HS6ST3: variants seen among roughly 807,000 people sequenced by gnomAD.
HS6ST3 encodes heparan-sulfate 6-O-sulfotransferase 3.
A neutral mutation model predicts 36.7 loss-of-function variants in HS6ST3; 12 were observed. That is an observed-to-expected ratio of 0.33 (90% confidence interval 0.21 to 0.53). The LOEUF (loss-of-function observed/expected upper bound fraction) is 0.53. HS6ST3 is among the 20% of genes least tolerant of loss of function. The pLI is 0.95. For synonymous variants in HS6ST3, 240 were observed against 257.5 expected (o/e 0.93, Z 0.65); for missense variants, 584 against 640.9 (o/e 0.91, Z 0.96).
chr13:96,160,603 C>G (rs7993804), intron 1 of HS6ST3, among the ~76,000 whole-genome samples: 35 of 151,932 alleles, frequency 2.3e-4, no homozygotes, highest in Admixed American at 2.3e-3. Context: ...CTCGTGACCC[C>G]GAGTTCATTT....
At chr13:96,416,016 A>G (rs1269227896) in intron 1 of HS6ST3, among the ~76,000 whole-genome samples, 3 of 152,164 alleles carry the variant, frequency 2.0e-5, no homozygotes, top group Admixed American at 2.0e-4. Context: ...GGAAAAGGAG[A>G]AGCAGTCTAT....
At chr13:96,520,314 C>A (rs1231772030) in intron 1 of HS6ST3, among the ~76,000 whole-genome samples, 5 of 131,594 alleles carry the variant, frequency 3.8e-5, no homozygotes, top group African/African-American at 1.3e-4. Flanking sequence ...GTTCTTCCTG[C>A]CCAGGACTGC....
intron 1 of HS6ST3, among the ~76,000 whole-genome samples, chr13:96,642,412 G>A (rs1179060201): frequency 3.3e-5 from 5 of 151,940 alleles, no homozygotes; most frequent in Middle Eastern, 3.4e-3. Context: ...TATTGGTTGT[G>A]TAGATTTATA....
At chr13:96,351,334 T>TG (rs1460218792) in intron 1 of HS6ST3, among the ~76,000 whole-genome samples, 1 of 41,762 alleles carries the variant, frequency 2.4e-5, no homozygotes, top group African/African-American at 1.6e-4. Context: ...TTTTTTTTTT[T>TG]TAAAAAAAAC....
rs138957761 is a variant in HS6ST3 at position 96,562,821 on chromosome 13, A to G, written c.708-269669A>G. 6.6e-4 allele frequency among the ~76,000 whole-genome samples: 101 copies of G among 152,212 alleles called. No individual in the cohort carries two copies. In the East Asian group the frequency reaches 7.2e-3, roughly 11 times the overall value. On this transcript the variant is annotated intron_variant, in intron 1 of 1. Coordinates refer to ENST00000376705, the MANE Select transcript of HS6ST3 (RefSeq NM_153456.4). ...AGAAGTCAGGATCTAGGAGCCCTCC[A>G]TGGAACAGTCAGGGATGTTAGAGCT...
At chr13:96,105,356 A>C (rs1337273453) in intron 1 of HS6ST3, among the ~76,000 whole-genome samples, 3 of 152,180 alleles carry the variant, frequency 2.0e-5, no homozygotes, top group African/African-American at 7.2e-5. Context: ...CTTATAATTT[A>C]AGTAATATTA....
Position 96,090,638 on chromosome 13 carries a change from C to T in HS6ST3, c.-225C>T, listed in dbSNP as rs1445591107. Among the ~76,000 whole-genome samples the T allele has an allele frequency of 1.4e-5, 2 of 146,364 alleles. No individual in the cohort carries two copies. The highest frequency in any genetic ancestry group is 3.0e-5 in the Non-Finnish European group (2 of 65,880). On this transcript the variant is annotated 5_prime_UTR_variant, in exon 1 of 2. Coordinates refer to ENST00000376705, the MANE Select transcript of HS6ST3 (RefSeq NM_153456.4). Reference sequence around the variant, plus strand: ...AGGGCGCCCCACGCCGCAGCCGCAGCCGAGCGCGCCGGCGCCCGCCTCCCC... The same window carrying T: ...AGGGCGCCCCACGCCGCAGCCGCAGTCGAGCGCGCCGGCGCCCGCCTCCCC...
chr13:96,537,823 G>A (rs2056161822), intron 1 of HS6ST3, among the ~76,000 whole-genome samples: 2 of 152,192 alleles, frequency 1.3e-5, no homozygotes, highest in East Asian at 3.9e-4. Flanking sequence ...TGTCAGAAGT[G>A]TCTGTTTTAT....
intron 1 of HS6ST3, among the ~76,000 whole-genome samples, chr13:96,339,468 G>C (rs2055119248): frequency 6.6e-6 from 1 of 152,206 alleles, no homozygotes; most frequent in Admixed American, 6.5e-5. Context: ...CCTGAGGGGA[G>C]AAGGTGCTTG....
At chr13:96,306,221 A>G (rs1249560020) in intron 1 of HS6ST3, among the ~76,000 whole-genome samples, 1 of 150,460 alleles carries the variant, frequency 6.6e-6, no homozygotes, top group East Asian at 2.0e-4. Context: ...CTCCTCCCTC[A>G]GCCTCCCAAG....
intron 1 of HS6ST3, among the ~76,000 whole-genome samples, chr13:96,650,662 AG>A (rs1440768834): frequency 6.6e-6 from 1 of 152,082 alleles, no homozygotes; most frequent in African/African-American, 2.4e-5. Context: ...AACAGGCAGC[AG>A]GGTGGAAGAC....
intron 1 of HS6ST3, among the ~76,000 whole-genome samples, chr13:96,751,010 G>T (rs954773847): frequency 6.6e-6 from 1 of 151,898 alleles, no homozygotes; most frequent in Non-Finnish European, 1.5e-5. Flanking sequence ...CTCTTTTCAG[G>T]CATCTATCTA....
At chr13:96,630,349 C>T (rs1215204080) in intron 1 of HS6ST3, among the ~76,000 whole-genome samples, 1 of 152,110 alleles carries the variant, frequency 6.6e-6, no homozygotes, top group Non-Finnish European at 1.5e-5. Context: ...GGATTTCCCA[C>T]GACCACTGGA....
In HS6ST3 at chr13:96,169,412, C is replaced by T. The variant is rs557593577; in HGVS notation, c.707+77843C>T. ...TTGATAGAGTTACGAGGCATAGAAT[C>T]CCAGAGTCGTTTGGAATCACAGAGC... is the stretch of plus-strand genomic sequence containing the variant. On this transcript the variant is annotated intron_variant, in intron 1 of 1. Coordinates refer to ENST00000376705, the MANE Select transcript of HS6ST3 (RefSeq NM_153456.4). The T allele has an allele frequency of 5.9e-5, 9 of 152,558 alleles. No individual in the cohort carries two copies. In the East Asian group the frequency reaches 1.7e-3, roughly 29 times the overall value. 9.5% of individuals were successfully genotyped at this position (152,558 alleles called of 1,614,324 possible).
At chr13:96,666,726 G>A (rs2056665438) in intron 1 of HS6ST3, among the ~76,000 whole-genome samples, 1 of 151,958 alleles carries the variant, frequency 6.6e-6, no homozygotes, top group African/African-American at 2.4e-5. Context: ...GATTTTCTGT[G>A]TGACCTCATT....
intron 1 of HS6ST3, among the ~76,000 whole-genome samples, chr13:96,682,263 G>C (rs1382048873): frequency 6.6e-6 from 1 of 152,020 alleles, no homozygotes; most frequent in Non-Finnish European, 1.5e-5. Flanking sequence ...AATTGTGTTT[G>C]TGCATAAATA....
At chr13:96,166,238 G>A (rs555546266) in intron 1 of HS6ST3, among the ~76,000 whole-genome samples, 70 of 152,120 alleles carry the variant, frequency 4.6e-4, no homozygotes, top group Non-Finnish European at 4.3e-4. Context: ...CTGGAATGGG[G>A]TTGGGATGGA....
intron 1 of HS6ST3, among the ~76,000 whole-genome samples, chr13:96,124,178 C>G (rs1467237588): frequency 6.6e-6 from 1 of 152,100 alleles, no homozygotes; most frequent in Non-Finnish European, 1.5e-5. Context: ...GTTTTTAGAA[C>G]TGGGGCTTAT....
intron 1 of HS6ST3, among the ~76,000 whole-genome samples, chr13:96,126,894 T>C (rs774530855): frequency 7.2e-5 from 11 of 152,042 alleles, no homozygotes; most frequent in Non-Finnish European, 1.2e-4. Flanking sequence ...TCACCTCCTT[T>C]CCTCTACCCC....
Sources: allele counts gnomAD v4.1 joint callset (sites outside exome capture counted in the v4.1 genomes callset), GRCh38; gene constraint gnomAD v4.1.1; transcripts MANE v1.5; gene names NCBI Gene and HGNC (gene_info 2026-07-23, HGNC 2026-07-21).